The following DOCK3 variants were observed in gnomAD, a reference collection of about 807,000 sequenced individuals.
DOCK3 encodes the protein dedicator of cytokinesis protein 3.
Under a neutral mutation model 265.6 loss-of-function variants are expected in DOCK3, and 60 were observed. The observed-to-expected ratio is 0.23, with a 90% CI of 0.18 to 0.28. DOCK3 has a LOEUF of 0.28. Among genes scored for constraint, DOCK3 ranks in the 10% least tolerant of loss-of-function variants. The pLI is 1.00. For synonymous variants in DOCK3, 881 were observed against 938.0 expected (o/e 0.94, Z 1.11); for missense variants, 1,981 against 2,594.3 (o/e 0.76, Z 5.14).
At chr3:50,757,019 C>A (rs2040199670) in intron 1 of DOCK3, among the ~76,000 whole-genome samples, 2 of 152,034 alleles carry the variant, frequency 1.3e-5, no homozygotes, top group Admixed American at 1.3e-4. Context: ...CCTCACCACA[C>A]CTGGCTAATT....
At chr3:51,125,042 A>C (rs1576164219) in intron 9 of DOCK3, among the ~76,000 whole-genome samples, 1 of 151,884 alleles carries the variant, frequency 6.6e-6, no homozygotes, top group South Asian at 2.1e-4. Flanking sequence ...AGGAGGCTGA[A>C]GCAGAAGAAT....
At chr3:50,937,787 G>C (rs1358984461) in intron 5 of DOCK3, among the ~76,000 whole-genome samples, 7 of 151,870 alleles carry the variant, frequency 4.6e-5, no homozygotes, top group Non-Finnish European at 1.0e-4. Context: ...AATCAAAATA[G>C]AACACTAAAA....
chr3:50,754,053 G>T (rs1172958737), intron 1 of DOCK3, among the ~76,000 whole-genome samples: 1 of 151,340 alleles, frequency 6.6e-6, no homozygotes, highest in East Asian at 1.9e-4. Context: ...CTACTTGGGA[G>T]GCTGAGGCAG....
intron 5 of DOCK3, among the ~76,000 whole-genome samples, chr3:51,013,337 C>T (rs540858033): frequency 2.1e-4 from 32 of 152,172 alleles, no homozygotes; most frequent in African/African-American, 5.5e-4. Context: ...GGTTTTGGTG[C>T]GGATGTCCTT....
At chr3:51,136,027 C>A (rs2107069755) in intron 9 of DOCK3, among the ~76,000 whole-genome samples, 1 of 152,252 alleles carries the variant, frequency 6.6e-6, no homozygotes, top group African/African-American at 2.4e-5. Flanking sequence ...CCTCTTAACT[C>A]ATGCTCTGAG....
chr3:50,827,304 C>G (rs1382989007), intron 2 of DOCK3, among the ~76,000 whole-genome samples: 1 of 152,166 alleles, frequency 6.6e-6, no homozygotes, highest in South Asian at 2.1e-4. Flanking sequence ...TTATTTCTCA[C>G]AGTTCTGGGC....
chr3:51,211,213 C>T (rs537956745), intron 13 of DOCK3, among the ~76,000 whole-genome samples: 1 of 152,252 alleles, frequency 6.6e-6, no homozygotes, highest in African/African-American at 2.4e-5. Flanking sequence ...CAATATTTTA[C>T]ACAGGTGTTG....
chr3:51,014,192 A>G (rs1366049749), intron 5 of DOCK3, among the ~76,000 whole-genome samples: 2 of 152,072 alleles, frequency 1.3e-5, no homozygotes, highest in South Asian at 2.1e-4. Flanking sequence ...GCCAGTCCCA[A>G]TGAGATGAAT....
chr3:50,999,431 G>A (rs1036568628), intron 5 of DOCK3, among the ~76,000 whole-genome samples: 3 of 152,108 alleles, frequency 2.0e-5, no homozygotes, highest in Non-Finnish European at 2.9e-5. Context: ...TACTTATATT[G>A]GGGATTTCTC....
chr3:51,079,211 T>C (rs542453200), intron 7 of DOCK3, among the ~76,000 whole-genome samples: 1 of 152,348 alleles, frequency 6.6e-6, no homozygotes, highest in South Asian at 2.1e-4. Context: ...ACTTAAAGTT[T>C]GCACTCATAG....
At chr3:51,000,218 G>T (rs1325029271) in intron 5 of DOCK3, among the ~76,000 whole-genome samples, 1 of 152,176 alleles carries the variant, frequency 6.6e-6, no homozygotes, top group Non-Finnish European at 1.5e-5. Flanking sequence ...GGCGACTGTG[G>T]TTTTTAAGTT....
chr3:51,310,346 G>A lies in DOCK3; in HGVS notation c.3017+20G>A. 6.4e-7 allele frequency: 1 copy of A among 1,557,868 alleles called. No individual in the cohort carries two copies. The highest frequency in any genetic ancestry group is 2.3e-5 in the East Asian group (1 of 43,372). ...AAGCAAGTAAGTATGGAAGGGCTCT[G>A]TATCAGCATCACTGAGCTGTTCTCA... On this transcript the variant is annotated intron_variant, in intron 28 of 52. Transcript: ENST00000266037.
intron 5 of DOCK3, among the ~76,000 whole-genome samples, chr3:51,007,566 A>G (rs2078734954): frequency 6.6e-6 from 1 of 152,192 alleles, no homozygotes; most frequent in Admixed American, 6.5e-5. Flanking sequence ...CCCATTCTGT[A>G]GGTTGCCTGT....
At position 51,277,767 on chromosome 3, in the gene DOCK3, C is replaced by T. The variant is rs968085570; in HGVS notation, c.2823+13C>T. 4.4e-6 allele frequency: 7 copies of T among 1,607,480 alleles called. No individual in the cohort carries two copies. Among genetic ancestry groups the T allele is most frequent in the Admixed American group, 1.7e-5 (1 of 59,202 alleles). On this transcript the variant is annotated intron_variant, in intron 26 of 52. Transcript: ENST00000266037. ...AGCCGAGATCACTGTTAGTAACTAA[C>T]ATCCAGGTTTTCTTGCCTTCTTTTC... is the stretch of plus-strand genomic sequence containing the variant.
chr3:51,360,560 C>A lies in DOCK3; in HGVS notation c.4934C>A (p.Thr1645Asn). ...KLSPACSGTS[T>N]PRGNVLASHS... ...AGTCCTGCATGTTCAGGCACCAGCA[C>A]CCCACGGGGAAATGTTCTGGCATCC... Residue 1645 changes from threonine (T) to asparagine (N), a missense_variant, in exon 47 of 53, where the codon ACC becomes AAC. By Grantham distance (65) the Thr-to-Asn change is moderately conservative (BLOSUM62 0). Coordinates refer to ENST00000266037, the MANE Select transcript of DOCK3 (RefSeq NM_004947.5). 1 of 1,613,320 alleles carries A rather than the reference C, an allele frequency of 6.2e-7. No homozygotes were observed. The highest frequency in any genetic ancestry group is 8.5e-7 in the Non-Finnish European group (1 of 1,179,642).
At chr3:50,794,028 G>A (rs922038676) in intron 2 of DOCK3, among the ~76,000 whole-genome samples, 3 of 152,128 alleles carry the variant, frequency 2.0e-5, no homozygotes, top group Non-Finnish European at 4.4e-5. Flanking sequence ...TAACTTATGT[G>A]TAATCGTAAG....
At chr3:51,305,349 A>G (rs554317139) in intron 27 of DOCK3, among the ~76,000 whole-genome samples, 1 of 152,182 alleles carries the variant, frequency 6.6e-6, no homozygotes, top group South Asian at 2.1e-4. Flanking sequence ...CTTAATGTCT[A>G]TATTGTCTGA....
chr3:50,970,891 TTATATATATATATATATA>T (rs55749209), intron 5 of DOCK3, among the ~76,000 whole-genome samples: 200 of 12,148 alleles, frequency 0.016, 2 homozygotes, highest in Middle Eastern at 0.056. Context: ...CATCTAATTT[TTATATATATATATATATA>T]TATATATATA....
At chr3:51,092,210 C>G (rs940262454) in intron 9 of DOCK3, among the ~76,000 whole-genome samples, 12 of 152,202 alleles carry the variant, frequency 7.9e-5, no homozygotes, top group Non-Finnish European at 1.5e-4. Flanking sequence ...GCCAAGTGGT[C>G]TGGTTTGGCA....
Sources: allele counts gnomAD v4.1 joint callset (sites outside exome capture counted in the v4.1 genomes callset), GRCh38; gene constraint gnomAD v4.1.1; transcripts MANE v1.5; gene names NCBI Gene and HGNC (gene_info 2026-07-23, HGNC 2026-07-21).